The following RAB11FIP4 variants were observed in gnomAD, a reference collection of about 807,000 sequenced individuals.
RAB11FIP4 encodes rab11 family-interacting protein 4.
RAB11FIP4 carries 23 observed loss-of-function variants against 74.3 expected under a neutral mutation model. That is an observed-to-expected ratio of 0.31 (90% CI 0.22 to 0.44). The LOEUF is 0.44. Among genes scored for constraint, RAB11FIP4 ranks in the 20% least tolerant of loss-of-function variants. The probability of loss-of-function intolerance (pLI) is 1.00; values close to 1 mark genes in which losing one functional copy is unlikely to be tolerated. For missense variants in RAB11FIP4, 630 were observed against 863.9 expected (o/e 0.73, Z 3.39); for synonymous variants, 360 against 359.9 (o/e 1.00, Z 0.00).
intron 3 of RAB11FIP4, among the ~76,000 whole-genome samples, chr17:31,463,810 T>A (rs1233858286): frequency 9.0e-6 from 1 of 110,690 alleles, no homozygotes; most frequent in African/African-American, 4.3e-5. Flanking sequence ...GGACTTTTTT[T>A]TTTTTTTTTT....
chr17:31,481,985 G>A lies in RAB11FIP4; in HGVS notation c.337-35666G>A, dbSNP rs1011997051. On this transcript the variant is annotated intron_variant, in intron 3 of 14. Transcript: ENST00000621161. Reference sequence around the variant, plus strand: ...CGGCCAGTGGACAGTCACCAACACCGGAGTGTTTGCCAAGGGAAACACCTT... The same window carrying A: ...CGGCCAGTGGACAGTCACCAACACCAGAGTGTTTGCCAAGGGAAACACCTT... 4.6e-5 allele frequency among the ~76,000 whole-genome samples: 7 copies of A among 152,252 alleles called. No individual in the cohort carries two copies. The East Asian group carries it at 5.8e-4, about 13-fold the overall frequency.
intron 3 of RAB11FIP4, among the ~76,000 whole-genome samples, chr17:31,452,588 G>A (rs1260343491): frequency 4.6e-5 from 7 of 152,160 alleles, no homozygotes; most frequent in Admixed American, 3.9e-4. Flanking sequence ...CTCTAGCAGC[G>A]CTTTTGTAAC....
chr17:31,471,970 G>A (rs1016372260), intron 3 of RAB11FIP4, among the ~76,000 whole-genome samples: 2 of 152,070 alleles, frequency 1.3e-5, no homozygotes, highest in African/African-American at 4.8e-5. Flanking sequence ...AGACCATCCC[G>A]GCCAACATAG....
In RAB11FIP4 at chr17:31,532,810, C is replaced by T. The variant is rs965980197; in HGVS notation, c.*1078C>T. The T allele has an allele frequency of 6.6e-6, 1 of 152,210 alleles. No individual in the cohort carries two copies. The highest frequency in any genetic ancestry group is 2.1e-4 in the South Asian group (1 of 4,832). 9.4% of individuals were successfully genotyped at this position (152,210 alleles called of 1,614,324 possible). A position where few individuals can be genotyped will look rare whatever the true frequency, so the allele number is the denominator to read the frequency against. On this transcript the variant is annotated 3_prime_UTR_variant, in exon 15 of 15. Coordinates refer to ENST00000621161, the MANE Select transcript of RAB11FIP4 (RefSeq NM_032932.6). The stretch of plus-strand genomic sequence containing the variant: ...TAGAAACACACCTGTATTTGATTCT[C>T]AGCCAGGGGAGCACTCGCTGCACTG...
At chr17:31,502,251 C>G (rs974273291) in intron 3 of RAB11FIP4, among the ~76,000 whole-genome samples, 11 of 151,540 alleles carry the variant, frequency 7.3e-5, no homozygotes, top group African/African-American at 2.7e-4. Context: ...TAAGTCAAAC[C>G]ATTGTAAGTT....
intron 3 of RAB11FIP4, among the ~76,000 whole-genome samples, chr17:31,435,635 G>A (rs1435358847): frequency 2.0e-5 from 3 of 152,228 alleles, no homozygotes; most frequent in Admixed American, 2.0e-4. Flanking sequence ...AGGAGATCCA[G>A]GACCCCAGAG....
At chr17:31,397,456 C>T (rs1483439114) in intron 1 of RAB11FIP4, among the ~76,000 whole-genome samples, 1 of 152,214 alleles carries the variant, frequency 6.6e-6, no homozygotes, top group African/African-American at 2.4e-5. Context: ...TAAAGGTGCT[C>T]TTTTGAGACC....
chr17:31,475,090 C>T (rs965746615), intron 3 of RAB11FIP4, among the ~76,000 whole-genome samples: 1 of 152,010 alleles, frequency 6.6e-6, no homozygotes, highest in Non-Finnish European at 1.5e-5. Context: ...AGGGCAGGAG[C>T]AAAACCTTGA....
chr17:31,504,077 G>C (rs1203352082), intron 3 of RAB11FIP4, among the ~76,000 whole-genome samples: 1 of 148,084 alleles, frequency 6.8e-6, no homozygotes, highest in African/African-American at 2.6e-5. Context: ...CACTAGTTCA[G>C]CAAATTTGGG....
intron 1 of RAB11FIP4, among the ~76,000 whole-genome samples, chr17:31,401,355 C>T (rs1172408029): frequency 6.6e-6 from 1 of 152,192 alleles, no homozygotes; most frequent in Non-Finnish European, 1.5e-5. Flanking sequence ...CTTAGGGTCA[C>T]CAATTCCCTG....
At chr17:31,519,293 T>C (rs551342537) in intron 4 of RAB11FIP4, among the ~76,000 whole-genome samples, 11 of 152,216 alleles carry the variant, frequency 7.2e-5, no homozygotes, top group African/African-American at 2.6e-4. Context: ...GGATTACAGG[T>C]GTGAGCCACC....
chr17:31,480,793 CAAAAAAAAAAAA>C (rs36097331), intron 3 of RAB11FIP4, among the ~76,000 whole-genome samples: 1,025 of 73,898 alleles, frequency 0.014, 19 homozygotes, highest in African/African-American at 0.049. Flanking sequence ...GACTCCGTCT[CAAAAAAAAAAAA>C]AAAAAAAAAA....
rs563418405 is a variant in RAB11FIP4, at chr17:31,454,776, C to T, written c.336+20654C>T. On this transcript the variant is annotated intron_variant, in intron 3 of 14. Coordinates refer to ENST00000621161, the MANE Select transcript of RAB11FIP4 (RefSeq NM_032932.6). ...GTTCCTGCCTGTAGTCCCAGCTACT[C>T]GGGTGGCTGAGGCAGGAAAATCGCT... 2.0e-3 allele frequency among the ~76,000 whole-genome samples: 310 copies of T among 152,160 alleles called. 1 individual carries two copies. The highest frequency in any genetic ancestry group is 7.1e-3 in the African/African-American group (295 of 41,530).
At chr17:31,464,345 T>C (rs2071663711) in intron 3 of RAB11FIP4, among the ~76,000 whole-genome samples, 1 of 152,100 alleles carries the variant, frequency 6.6e-6, no homozygotes, top group African/African-American at 2.4e-5. Flanking sequence ...TTATTTTATT[T>C]TTATTCCTCC....
intron 1 of RAB11FIP4, 84 bp downstream of exon 1, chr17:31,392,095 CG>C: frequency 9.3e-7 from 1 of 1,074,300 alleles, no homozygotes; most frequent in Non-Finnish European, 1.2e-6. Context: ...CCGGGTCACC[CG>C]CGTGGCCCGA....
intron 3 of RAB11FIP4, among the ~76,000 whole-genome samples, chr17:31,472,297 C>A (rs1353564708): frequency 1.3e-5 from 2 of 152,216 alleles, no homozygotes; most frequent in East Asian, 3.8e-4. Context: ...GAGTGCTCCC[C>A]CCATACCCAG....
In RAB11FIP4 at chr17:31,476,172, C is replaced by CTTT. The variant is rs71369069; in HGVS notation, c.337-41451_337-41449dup. ...CTGCAAATAATGAGAATCGACTGAACTTTTTTTTTTTTTTTTTTTTTTTTT... is the reference window on the plus strand; with the variant it reads ...CTGCAAATAATGAGAATCGACTGAACTTTTTTTTTTTTTTTTTTTTTTTTTTTT... On this transcript the variant is annotated intron_variant, in intron 3 of 14. Coordinates refer to ENST00000621161, the MANE Select transcript of RAB11FIP4 (RefSeq NM_032932.6). Among the ~76,000 whole-genome samples, 45 of 63,568 alleles carry CTTT rather than the reference C, an allele frequency of 7.1e-4. 3 individuals carry two copies. Among genetic ancestry groups the CTTT allele is most frequent in the African/African-American group, 1.5e-3 (25 of 16,858 alleles). 41.7% of individuals were successfully genotyped at this position (63,568 alleles called of 152,430 possible).
chr17:31,489,859 G>C (rs375931780), intron 3 of RAB11FIP4, among the ~76,000 whole-genome samples: 86 of 152,226 alleles, frequency 5.6e-4, no homozygotes, highest in Admixed American at 1.7e-3. Context: ...TTAGGCGAAG[G>C]GGGTGGAGTA....
chr17:31,429,237 T>A (rs908514876), intron 1 of RAB11FIP4, among the ~76,000 whole-genome samples: 6 of 152,132 alleles, frequency 3.9e-5, no homozygotes, highest in Admixed American at 3.9e-4. Context: ...AGAGAGAAGA[T>A]ATAAATTAAT....
Sources: allele counts gnomAD v4.1 joint callset (sites outside exome capture counted in the v4.1 genomes callset), GRCh38; gene constraint gnomAD v4.1.1; transcripts MANE v1.5; gene names NCBI Gene and HGNC (gene_info 2026-07-23, HGNC 2026-07-21).